NIBAN3: variants seen among roughly 807,000 people sequenced by gnomAD.
NIBAN3 encodes the protein niban apoptosis regulator 3.
In NIBAN3, 66 loss-of-function variants were observed where a neutral mutation model predicts 76.4. That is an observed-to-expected ratio of 0.86 (90% CI 0.71 to 1.06). NIBAN3 has a LOEUF of 1.06. NIBAN3 is among the 50% of genes least tolerant of loss of function. The pLI is 0.00. For synonymous variants in NIBAN3, 360 were observed against 355.2 expected, an observed-to-expected ratio of 1.01 and a Z score of -0.15; for missense variants, 808 against 810.7, an observed-to-expected ratio of 1.00 and a Z score of 0.04.
Position 17,549,475 on chromosome 19 carries a change from A to G in NIBAN3, c.1698A>G (p.Val566=), listed in dbSNP as rs372827884. 427 of 1,614,016 alleles carry G rather than the reference A, an allele frequency of 2.6e-4. 3 individuals are homozygous for G. In the East Asian group the frequency reaches 8.7e-3, roughly 33 times the overall value. The change falls in exon 14 of 15, where the codon GTA becomes GTG. Residue 566 remains valine, a synonymous_variant. Coordinates refer to ENST00000599164, the MANE Select transcript of NIBAN3 (RefSeq NM_001321827.2). ...AAAAGACCCTTGGTGCCAATGATGT[A>G]TCCTGCACTCTGGACGGCTGCTTGG... ...ELKKTLGAND[V]SCTLDGCLEV... is the part of the protein sequence containing the mutation.
In NIBAN3 at chr19:17,542,159, G is replaced by A. The variant is rs114849169; in HGVS notation, c.1194G>A (p.Pro398=). The A allele has an allele frequency of 1.5e-3, 2,352 of 1,614,162 alleles. 18 individuals carry two copies. In the African/African-American group the frequency reaches 0.026, roughly 18 times the overall value. ...RREVYSFGEM[P]WDLALMQTCY... ...AGGTTTACTCATTTGGGGAGATGCCGTGGGACTTGGCGCTGATGCAGACAT... is the reference window on the plus strand; with the variant it reads ...AGGTTTACTCATTTGGGGAGATGCCATGGGACTTGGCGCTGATGCAGACAT... The change falls in exon 10 of 15, where the codon CCG becomes CCA. Residue 398 remains proline, a synonymous_variant. Coordinates refer to ENST00000599164, the MANE Select transcript of NIBAN3 (RefSeq NM_001321827.2). The surrounding 1 kb of genome is among the most constrained non-coding windows in gnomAD (Gnocchi z 4.8).
Position 17,543,650 on chromosome 19 carries a change from T to C in NIBAN3, c.1554+19T>C, listed in dbSNP as rs1291951341. On this transcript the variant is annotated intron_variant, in intron 12 of 14. Transcript: ENST00000599164. ...CAAAAAGGTGAGTTAATGGGAAGTG[T>C]GCAAGAGGGTCTGACAGCATCACCA... The C allele has an allele frequency of 6.3e-7, 1 of 1,594,974 alleles. No homozygotes were observed. The highest frequency in any genetic ancestry group is 1.3e-5 in the African/African-American group (1 of 74,660).
intron 1 of NIBAN3, among the ~76,000 whole-genome samples, chr19:17,530,180 C>T (rs1176199186): frequency 6.6e-6 from 1 of 151,854 alleles, no homozygotes; most frequent in East Asian, 1.9e-4. Flanking sequence ...GTCGTGGTGG[C>T]AGAAGCCTGT....
rs527747914 is a variant in NIBAN3, at chr19:17,551,775, C to G, written c.1751-11C>G. 1.4e-5 allele frequency: 11 copies of G among 772,912 alleles called. No homozygotes were observed. In the African/African-American group the frequency reaches 1.9e-4, roughly 13 times the overall value. The allele number at this position is 772,912 out of a possible 1,614,324, so 47.9% of individuals were successfully genotyped here. A position where few individuals can be genotyped will look rare whatever the true frequency, so the allele number is the denominator to read the frequency against. Reference sequence around the variant, plus strand: ...CTGATTTTTGACGTCCGTATATTTTCCATTATACAGATGAGGAAACTGAGG... The same window carrying G: ...CTGATTTTTGACGTCCGTATATTTTGCATTATACAGATGAGGAAACTGAGG... On this transcript the variant is annotated splice_polypyrimidine_tract_variant and intron_variant, in intron 14 of 14. Transcript: ENST00000599164.
At chr19:17,546,560 T>G in intron 12 of NIBAN3, 126 bp from the exon 13 acceptor site, 5 of 1,288,490 alleles carry the variant, frequency 3.9e-6, no homozygotes, top group Non-Finnish European at 4.9e-6. Flanking sequence ...ATAAGGAAAC[T>G]AAGGCCCAAG....
chr19:17,538,288 C>T (rs895401195), intron 5 of NIBAN3, among the ~76,000 whole-genome samples: 1 of 151,522 alleles, frequency 6.6e-6, no homozygotes, highest in Non-Finnish European at 1.5e-5. Context: ...TGGTGGCAGG[C>T]GCCTGTAGTC....
Position 17,531,326 on chromosome 19 carries a change from AACACACACACAC to A in NIBAN3, c.186+477_186+488del, listed in dbSNP as rs35489460. ...TAGGCAACAGAGCTAGACTCTGTCA[AACACACACACAC>A]ACACACACACACACACACACACACA... is the stretch of plus-strand genomic sequence containing the variant. On this transcript the variant is annotated intron_variant, in intron 2 of 14. Transcript: ENST00000599164. Among the ~76,000 whole-genome samples, 254 of 129,094 alleles carry A rather than the reference AACACACACACAC, an allele frequency of 2.0e-3. 5 individuals carry two copies. Among genetic ancestry groups the A allele is most frequent in the South Asian group, 6.6e-3 (25 of 3,768 alleles). The allele number at this position is 129,094 out of a possible 152,430, so 84.7% of individuals were successfully genotyped here.
At chr19:17,528,505 G>A (rs1256491686) in intron 1 of NIBAN3, among the ~76,000 whole-genome samples, 2 of 152,134 alleles carry the variant, frequency 1.3e-5, no homozygotes, top group Admixed American at 1.3e-4. Context: ...AGGCCCTGAG[G>A]GATGTCTTCC....
rs1288441452 is a variant in NIBAN3 at position 17,543,293 on chromosome 19, TCATCATAG to T, written c.1330-19_1330-12del. 2.7e-6 allele frequency: 4 copies of T among 1,471,418 alleles called. No individual in the cohort carries two copies. The highest frequency in any genetic ancestry group is 3.7e-6 in the Non-Finnish European group (4 of 1,083,766). 91.1% of individuals were successfully genotyped at this position (1,471,418 alleles called of 1,614,324 possible). On this transcript the variant is annotated splice_polypyrimidine_tract_variant and intron_variant, in intron 10 of 14. Transcript: ENST00000599164. ...GGAGGCTGGAGCACAGATTCTGGGG[TCATCATAG>T]CATCTCCTCCCACAGCTCATGGCTG...
At chr19:17,554,705 G>A (rs1357797533), downstream of NIBAN3, among the ~76,000 whole-genome samples, 5 of 150,938 alleles carry the variant, frequency 3.3e-5, no homozygotes, top group South Asian at 2.1e-4. Flanking sequence ...GCTTGAACCC[G>A]GGAGGCGGAG....
Position 17,539,439 on chromosome 19 carries a change from G to A in NIBAN3, c.804G>A (p.Trp268Ter). 1 of 1,488,284 alleles carries A rather than the reference G, an allele frequency of 6.7e-7. No individual in the cohort carries two copies. Among genetic ancestry groups the A allele is most frequent in the Non-Finnish European group, 8.9e-7 (1 of 1,123,632 alleles). 92.2% of individuals were successfully genotyped at this position (1,488,284 alleles called of 1,614,324 possible). ...GLRGAGRARA[W>*]AWTELLDAVH... The stretch of plus-strand genomic sequence containing the variant: ...GGGGGGCAGGCCGCGCCCGCGCCTG[G>A]GCCTGGACCGAGGTATGCACGGCGT... The change falls in exon 7 of 15, where the codon TGG (tryptophan) becomes TGA (stop). Residue 268 changes from tryptophan to a stop codon, truncating the protein, a stop_gained. Transcript: ENST00000599164. LOFTEE classifies it high-confidence loss of function.
intron 5 of NIBAN3, among the ~76,000 whole-genome samples, chr19:17,538,232 C>G (rs1042154689): frequency 7.3e-5 from 11 of 151,710 alleles, no homozygotes; most frequent in African/African-American, 2.4e-4. Context: ...CTCGCTAACA[C>G]GGTGAAACCC....
chr19:17,540,602 G>A lies in NIBAN3; in HGVS notation c.1170+20G>A. 1 of 1,445,426 alleles carries A rather than the reference G, an allele frequency of 6.9e-7. No homozygotes were observed. The allele number at this position is 1,445,426 out of a possible 1,614,324, so 89.5% of individuals were successfully genotyped here. A position where few individuals can be genotyped will look rare whatever the true frequency, so the allele number is the denominator to read the frequency against. On this transcript the variant is annotated intron_variant, in intron 9 of 14. Coordinates refer to ENST00000599164, the MANE Select transcript of NIBAN3 (RefSeq NM_001321827.2). ...AGGGAGGTGAGCTCCCGTGGGTAGG[G>A]GTTCAGTGAGCCAGAGGGTGATGTG...
chr19:17,540,015 C>A lies in NIBAN3; in HGVS notation c.979+250C>A, dbSNP rs1469267412. 5 of 478,338 alleles carry A rather than the reference C, an allele frequency of 1.0e-5. No individual in the cohort carries two copies. The South Asian group carries it at 1.7e-4, about 16-fold the overall frequency. 29.6% of individuals were successfully genotyped at this position (478,338 alleles called of 1,614,324 possible). A position where few individuals can be genotyped will look rare whatever the true frequency, so the allele number is the denominator to read the frequency against. On this transcript the variant is annotated intron_variant, in intron 8 of 14. Coordinates refer to ENST00000599164, the MANE Select transcript of NIBAN3 (RefSeq NM_001321827.2). ...AGAGTCTGTCCGGAGGAAACCAGGTCCTAAGGGGGCTGCTTGGATACAAAA... is the reference window on the plus strand; with the variant it reads ...AGAGTCTGTCCGGAGGAAACCAGGTACTAAGGGGGCTGCTTGGATACAAAA...
Position 17,539,648 on chromosome 19 carries a change from G to A in NIBAN3, c.862G>A (p.Gly288Arg), listed in dbSNP as rs1318469512. 6.4e-7 allele frequency: 1 copy of A among 1,567,340 alleles called. No homozygotes were observed. The highest frequency in any genetic ancestry group is 8.7e-7 in the Non-Finnish European group (1 of 1,155,360). The change falls in exon 8 of 15, where the codon GGG (glycine) becomes AGG (arginine). Residue 288 changes from glycine to arginine, a missense_variant. Transcript: ENST00000599164. ...AGCTGTCCTGGCCGGGGCCTCCGCC[G>A]GGCTCTGCGCCTTCCAGCCCGAAAA... ...HAAVLAGASAGLCAFQPEKDE... is the reference protein window; with the variant it reads ...HAAVLAGASARLCAFQPEKDE...
chr19:17,528,587 A>G (rs993983764), intron 1 of NIBAN3, among the ~76,000 whole-genome samples: 5 of 152,076 alleles, frequency 3.3e-5, no homozygotes, highest in African/African-American at 1.2e-4. Flanking sequence ...ATTTGAGACT[A>G]AGAGGGGCCA....
intron 12 of NIBAN3, 173 bp from the exon 13 acceptor site, chr19:17,546,513 C>A: frequency 8.5e-7 from 1 of 1,175,892 alleles, no homozygotes; most frequent in Non-Finnish European, 1.1e-6. Flanking sequence ...CCGCACCCGG[C>A]CTGTTTATTT....
At chr19:17,536,035 T>C (rs938387726) in intron 4 of NIBAN3, among the ~76,000 whole-genome samples, 4 of 152,178 alleles carry the variant, frequency 2.6e-5, no homozygotes, top group African/African-American at 9.7e-5. Flanking sequence ...TTGTCACAGA[T>C]ATGCACCTCA....
upstream of NIBAN3, chr19:17,527,138 C>A: frequency 7.3e-7 from 1 of 1,372,440 alleles, no homozygotes; most frequent in Non-Finnish European, 9.9e-7. Context: ...GTCCCCGCAG[C>A]CTCTACAGAA....
Sources: gnomAD v4.1 joint callset for allele counts (sites outside exome capture counted in the v4.1 genomes callset) on GRCh38, gnomAD v4.1.1 for gene constraint, Gnocchi (gnomAD v3.1) non-coding constraint, MANE v1.5 for transcripts, NCBI Gene and HGNC (gene_info 2026-07-23, HGNC 2026-07-21) for gene names.